CEP152: variants seen among roughly 807,000 people sequenced by gnomAD.
The protein encoded by CEP152 is centrosomal protein 152, also known as centrosomal protein of 152 kDa.
In CEP152, 132 loss-of-function variants were observed where a neutral mutation model predicts 188.9. That is an observed-to-expected ratio of 0.70 (90% CI 0.61 to 0.81). The LOEUF (loss-of-function observed/expected upper bound fraction) is 0.81, where lower values mean the gene tolerates loss of function less well. Ranked by LOEUF, CEP152 falls within the 30% of genes least tolerant of loss-of-function variation. The pLI is 0.00. For missense variants in CEP152, 1,914 were observed against 1,969.8 expected (o/e 0.97, Z 0.54); for synonymous variants, 649 against 666.6 (o/e 0.97, Z 0.41).
intron 24 of CEP152, among the ~76,000 whole-genome samples, chr15:48,742,829 C>G (rs1026838473): frequency 6.6e-6 from 1 of 151,156 alleles, no homozygotes; most frequent in Non-Finnish European, 1.5e-5. Flanking sequence ...TTTAATAAAT[C>G]CAAGACTACA....
At chr15:48,781,422 C>T (rs2140838455) in intron 11 of CEP152, 63 bp from the exon 12 acceptor site, 2 of 1,400,542 alleles carry the variant, frequency 1.4e-6, no homozygotes, top group East Asian at 2.3e-5. Flanking sequence ...ATCAGTCATT[C>T]TGTTTCAAAA....
rs577110066 is a variant in CEP152 at position 48,742,215 on chromosome 15, T to C, written c.3836-115A>G. 8.5e-6 allele frequency: 8 copies of C among 941,648 alleles called. No homozygotes were observed. In the Admixed American group the frequency reaches 1.0e-4, roughly 12 times the overall value. 58.3% of individuals were successfully genotyped at this position (941,648 alleles called of 1,614,324 possible). A position where few individuals can be genotyped will look rare whatever the true frequency, so the allele number is the denominator to read the frequency against. On this transcript the variant is annotated intron_variant, in intron 24 of 26. Coordinates refer to ENST00000380950, the MANE Select transcript of CEP152 (RefSeq NM_001194998.2). Reference sequence around the variant, plus strand: ...GTAGATGAAGTGATTTTAAGTATAGTTTAAACATTATACTTTCCACAGTCA... The same window carrying C: ...GTAGATGAAGTGATTTTAAGTATAGCTTAAACATTATACTTTCCACAGTCA...
rs533931823 is a variant in CEP152 at position 48,798,727 on chromosome 15, CT to C, written c.88-677del. ...CTGACATTAAATGTTTGATTTCTCT[CT>C]CCTATTATTTTCTAGAAAAAAATCA... is the stretch of plus-strand genomic sequence containing the variant. On this transcript the variant is annotated intron_variant, in intron 2 of 26. Coordinates refer to ENST00000380950, the MANE Select transcript of CEP152 (RefSeq NM_001194998.2). Among the ~76,000 whole-genome samples, 13 of 152,298 alleles carry C rather than the reference CT, an allele frequency of 8.5e-5. No individual in the cohort carries two copies. The East Asian group carries it at 2.3e-3, about 27-fold the overall frequency.
At chr15:48,777,451 T>C (rs1895983348) in intron 12 of CEP152, among the ~76,000 whole-genome samples, 1 of 146,354 alleles carries the variant, frequency 6.8e-6, no homozygotes, top group East Asian at 2.0e-4. Context: ...TGATTCCAAA[T>C]AAAATCTTAG....
chr15:48,764,992 T>TAA (rs140015676), intron 17 of CEP152, among the ~76,000 whole-genome samples: 2 of 140,950 alleles, frequency 1.4e-5, no homozygotes, highest in African/African-American at 2.6e-5. Flanking sequence ...ACATTTCCTT[T>TAA]AAAAAAAAAA....
At chr15:48,790,058 T>C (rs1215820634) in intron 8 of CEP152, among the ~76,000 whole-genome samples, 3 of 152,228 alleles carry the variant, frequency 2.0e-5, no homozygotes, top group Admixed American at 6.5e-5. Flanking sequence ...CTAATAACTA[T>C]TGGTTTTCAA....
intron 5 of CEP152, among the ~76,000 whole-genome samples, chr15:48,796,622 G>A (rs962024027): frequency 2.6e-5 from 4 of 152,002 alleles, no homozygotes; most frequent in Admixed American, 6.6e-5. Context: ...AACATTCTAC[G>A]GAGATAGAAT....
chr15:48,788,625 G>C (rs899241516), intron 9 of CEP152, among the ~76,000 whole-genome samples, 176 bp downstream of exon 9: 1 of 151,870 alleles, frequency 6.6e-6, no homozygotes, highest in Non-Finnish European at 1.5e-5. Flanking sequence ...GATTACAGGC[G>C]TGAGCCATTG....
intron 3 of CEP152, 95 bp downstream of exon 3, chr15:48,797,851 ATT>A: frequency 2.0e-6 from 3 of 1,487,148 alleles, no homozygotes; most frequent in Non-Finnish European, 2.8e-6. Flanking sequence ...TTAAGAATCA[ATT>A]TACAATTTTA....
chr15:48,762,308 C>CGAGTTCAAT, intron 18 of CEP152, 83 bp downstream of exon 18: 1 of 1,257,126 alleles, frequency 8.0e-7, no homozygotes, highest in Non-Finnish European at 1.2e-6. Flanking sequence ...AAGTTATGAA[C>CGAGTTCAAT]GAGTTCAATG....
intron 7 of CEP152, among the ~76,000 whole-genome samples, chr15:48,792,375 A>G (rs1044373794): frequency 1.3e-5 from 2 of 152,214 alleles, no homozygotes; most frequent in Non-Finnish European, 2.9e-5. Flanking sequence ...TTCTCTCAAA[A>G]TAAATGTTAT....
At chr15:48,785,450 G>A (rs1008784300) in intron 9 of CEP152, among the ~76,000 whole-genome samples, 3 of 152,144 alleles carry the variant, frequency 2.0e-5, no homozygotes, top group African/African-American at 4.8e-5. Flanking sequence ...CCAAAGTAAC[G>A]TGGCAAAAAC....
chr15:48,735,305 T>C (rs758313347), downstream of CEP152, among the ~76,000 whole-genome samples: 2 of 152,222 alleles, frequency 1.3e-5, no homozygotes, highest in Non-Finnish European at 2.9e-5. Context: ...TATTTTGAAC[T>C]AAATGAAAAC....
intron 22 of CEP152, among the ~76,000 whole-genome samples, chr15:48,747,051 C>T (rs988781642): frequency 1.3e-5 from 2 of 152,090 alleles, no homozygotes; most frequent in African/African-American, 2.4e-5. Flanking sequence ...TTTCAAACCC[C>T]GTTAAACTAA....
At chr15:48,752,513 T>A in intron 20 of CEP152, 44 bp from the exon 21 acceptor site, 1 of 1,592,254 alleles carries the variant, frequency 6.3e-7, no homozygotes, top group Non-Finnish European at 8.5e-7. Flanking sequence ...TAAAAATCTT[T>A]ATACAATTTT....
intron 17 of CEP152, among the ~76,000 whole-genome samples, chr15:48,764,363 T>C (rs1894902596): frequency 6.6e-6 from 1 of 152,162 alleles, no homozygotes; most frequent in South Asian, 2.1e-4. Context: ...GCAGTTTGCT[T>C]ACATATTCTT....
At chr15:48,795,351 G>A (rs1897230878) in intron 6 of CEP152, among the ~76,000 whole-genome samples, 1 of 152,028 alleles carries the variant, frequency 6.6e-6, no homozygotes, top group African/African-American at 2.4e-5. Context: ...TTATATCAGA[G>A]TTGACTAAAA....
Position 48,772,605 on chromosome 15 carries a change from C to T in CEP152, c.1664G>A (p.Gly555Asp). 1 of 1,614,030 alleles carries T rather than the reference C, an allele frequency of 6.2e-7. No individual in the cohort carries two copies. Among genetic ancestry groups the T allele is most frequent in the Non-Finnish European group, 8.5e-7 (1 of 1,179,992 alleles). Residue 555 changes from glycine to aspartate, a missense_variant, in exon 13 of 27, where the codon GGT becomes GAT. Gly to Asp is a moderately conservative substitution (Grantham distance 94). Coordinates refer to ENST00000380950, the MANE Select transcript of CEP152 (RefSeq NM_001194998.2). ...KLKAEVQRLL[G>D]SNSMKRHLVS... ...CAGATGACGCTTCATTGAGTTGCTA[C>T]CCAGCAAACGCTGTACTTCTGCCTT...
intron 20 of CEP152, among the ~76,000 whole-genome samples, chr15:48,754,342 T>A (rs956857747): frequency 6.6e-6 from 1 of 152,180 alleles, no homozygotes; most frequent in Non-Finnish European, 1.5e-5. Flanking sequence ...ATGTATATAT[T>A]AATGGTAGGA....
Sources: gnomAD v4.1 joint callset for allele counts (sites outside exome capture counted in the v4.1 genomes callset) on GRCh38, gnomAD v4.1.1 for gene constraint, MANE v1.5 for transcripts, NCBI Gene and HGNC (gene_info 2026-07-23, HGNC 2026-07-21) for gene names.